Variants in RBFOX1 observed in about 807,000 individuals in gnomAD.
The protein encoded by RBFOX1 is RNA binding fox-1 homolog 1.
A neutral mutation model predicts 57.7 loss-of-function variants in RBFOX1; 8 were observed. The ratio of observed to expected loss-of-function variants is 0.14; its 90% CI spans 0.08 to 0.25. The LOEUF is 0.25. RBFOX1 is among the 10% of genes least tolerant of loss of function. RBFOX1 has a pLI of 1.00. For synonymous variants in RBFOX1, 326 were observed against 222.4 expected, an observed-to-expected ratio of 1.47 and a Z score of -4.15; for missense variants, 611 against 548.5, an observed-to-expected ratio of 1.11 and a Z score of -1.14.
At chr16:7,490,935 C>T (rs1012322417) in intron 4 of RBFOX1, among the ~76,000 whole-genome samples, 11 of 152,150 alleles carry the variant, frequency 7.2e-5, no homozygotes, top group East Asian at 3.9e-4. Flanking sequence ...GTTTCAATCT[C>T]TTATCTTCTT....
chr16:7,362,553 T>C (rs1171280107), intron 4 of RBFOX1, among the ~76,000 whole-genome samples: 1 of 151,788 alleles, frequency 6.6e-6, no homozygotes, highest in Non-Finnish European at 1.5e-5. Flanking sequence ...TGTTAGTGTG[T>C]GGATGTTTTG....
chr16:7,061,193 A>C (rs545423003), intron 4 of RBFOX1, among the ~76,000 whole-genome samples: 251 of 152,356 alleles, frequency 1.6e-3, no homozygotes, highest in African/African-American at 5.7e-3. Context: ...GCAGGAACTC[A>C]GGCAAATGAT....
At chr16:5,557,155 G>A (rs2151096904) in intron 2 of RBFOX1, among the ~76,000 whole-genome samples, 1 of 152,098 alleles carries the variant, frequency 6.6e-6, no homozygotes, top group Non-Finnish European at 1.5e-5. Context: ...AGCTACTCAG[G>A]AGGCTGAGGC....
At chr16:6,844,705 A>C (rs1230202833) in intron 3 of RBFOX1, among the ~76,000 whole-genome samples, 1 of 152,140 alleles carries the variant, frequency 6.6e-6, no homozygotes, top group Non-Finnish European at 1.5e-5. Context: ...TATAGCCAGT[A>C]ATTGGATTGT....
In RBFOX1 at chr16:7,384,616, C is replaced by T. The variant is rs143044271; in HGVS notation, c.28-133531C>T. 4.3e-3 allele frequency among the ~76,000 whole-genome samples: 649 copies of T among 152,232 alleles called. 7 individuals carry two copies. Among genetic ancestry groups the T allele is most frequent in the African/African-American group, 0.015 (614 of 41,532 alleles). On this transcript the variant is annotated intron_variant, in intron 4 of 15. Transcript: ENST00000550418. ...GGAGGGAGAGGGGTCATGGAGTGAA[C>T]AGCTTTGCAGGCCATGCCAACTTTG...
intron 3 of RBFOX1, among the ~76,000 whole-genome samples, chr16:6,783,664 A>G (rs1222081499): frequency 6.6e-6 from 1 of 152,094 alleles, no homozygotes; most frequent in Non-Finnish European, 1.5e-5. Context: ...CGTACTAAAG[A>G]TATGAGGGCT....
chr16:6,814,407 C>T (rs767068777), intron 3 of RBFOX1, among the ~76,000 whole-genome samples: 2 of 152,098 alleles, frequency 1.3e-5, no homozygotes, highest in African/African-American at 4.8e-5. Context: ...GGTAAATAAT[C>T]TCTGTGTGTC....
chr16:7,196,796 T>G (rs532827125), intron 4 of RBFOX1, among the ~76,000 whole-genome samples: 1 of 152,212 alleles, frequency 6.6e-6, no homozygotes, highest in Non-Finnish European at 1.5e-5. Context: ...GTGGGAATTT[T>G]TTCACACAGA....
intron 3 of RBFOX1, among the ~76,000 whole-genome samples, chr16:5,732,464 G>A (rs556964626): frequency 6.6e-6 from 1 of 152,288 alleles, no homozygotes; most frequent in East Asian, 1.9e-4. Context: ...GAACAGGAGC[G>A]AGTTGGCTCT....
At chr16:7,292,832 C>A (rs768627152) in intron 4 of RBFOX1, among the ~76,000 whole-genome samples, 4 of 151,892 alleles carry the variant, frequency 2.6e-5, no homozygotes, top group Non-Finnish European at 5.9e-5. Context: ...TGTAATGGAG[C>A]GTACAGGTTT....
intron 4 of RBFOX1, among the ~76,000 whole-genome samples, chr16:5,952,774 G>C (rs1048881442): frequency 6.6e-6 from 1 of 152,064 alleles, no homozygotes; most frequent in Non-Finnish European, 1.5e-5. Context: ...TGGGTGTCTT[G>C]TGCACACCTG....
intron 2 of RBFOX1, among the ~76,000 whole-genome samples, chr16:6,444,263 C>T (rs886449912): frequency 5.9e-5 from 9 of 152,012 alleles, no homozygotes; most frequent in South Asian, 2.1e-4. Context: ...CCCCAGGACC[C>T]GGCACAATGC....
In RBFOX1 at chr16:7,329,852, C is replaced by G. The variant is rs2096661443; in HGVS notation, c.28-188295C>G. ...CCCGGCACAAGGTATAACTATATATCTCTATCCTGTATGTAATATATCTCT... is the reference window on the plus strand; with the variant it reads ...CCCGGCACAAGGTATAACTATATATGTCTATCCTGTATGTAATATATCTCT... On this transcript the variant is annotated intron_variant, in intron 4 of 15. Coordinates refer to ENST00000550418, the MANE Select transcript of RBFOX1 (RefSeq NM_018723.4). Among the ~76,000 whole-genome samples the G allele has an allele frequency of 2.0e-5, 3 of 152,166 alleles. No homozygotes were observed. In the South Asian group the frequency reaches 6.2e-4, roughly 32 times the overall value.
chr16:6,359,236 G>A (rs1003871813), intron 2 of RBFOX1, among the ~76,000 whole-genome samples: 3 of 152,220 alleles, frequency 2.0e-5, no homozygotes, highest in South Asian at 4.1e-4. Context: ...GGGATGACGG[G>A]TGTGTACCAC....
intron 3 of RBFOX1, among the ~76,000 whole-genome samples, chr16:6,991,558 A>T (rs1199704948): frequency 3.3e-5 from 5 of 152,100 alleles, no homozygotes; most frequent in African/African-American, 1.2e-4. Flanking sequence ...TTGTTTTGAG[A>T]TGGGGTCCCA....
intron 3 of RBFOX1, among the ~76,000 whole-genome samples, chr16:7,010,693 A>T (rs2093613520): frequency 6.6e-6 from 1 of 152,092 alleles, no homozygotes; most frequent in South Asian, 2.1e-4. Context: ...CCTACCAAGT[A>T]GCTGGGATTA....
In RBFOX1 at chr16:5,825,056, G is replaced by A. The variant is rs58581464; in HGVS notation, c.319-42247G>A. ...TTCCAATCCATGGCCTGGAGAGTTT[G>A]ACTAAGAAGTTAGACTCTTGGAGCA... is the stretch of plus-strand genomic sequence containing the variant. On this transcript the variant is annotated intron_variant, in intron 3 of 19. Coordinates refer to the RBFOX1 transcript ENST00000641259. Among the ~76,000 whole-genome samples the A allele has an allele frequency of 2.4e-3, 360 of 152,140 alleles. 4 individuals carry two copies. In the Middle Eastern group the frequency reaches 0.024, roughly 10 times the overall value.
At chr16:6,700,025 T>A (rs1266832849) in intron 3 of RBFOX1, among the ~76,000 whole-genome samples, 1 of 152,164 alleles carries the variant, frequency 6.6e-6, no homozygotes, top group African/African-American at 2.4e-5. Flanking sequence ...TTCCTTCTCT[T>A]ACGATTGGCA....
intron 3 of RBFOX1, among the ~76,000 whole-genome samples, chr16:7,041,815 T>G (rs190256341): frequency 6.6e-6 from 1 of 152,330 alleles, no homozygotes; most frequent in Non-Finnish European, 1.5e-5. Flanking sequence ...GAATACCAAT[T>G]GCTGGTATTT....
Sources: gnomAD v4.1 joint callset for allele counts (sites outside exome capture counted in the v4.1 genomes callset) on GRCh38, gnomAD v4.1.1 for gene constraint, MANE v1.5 for transcripts, NCBI Gene and HGNC (gene_info 2026-07-23, HGNC 2026-07-21) for gene names.